The following CNTN5 variants were observed in gnomAD, a reference collection of about 807,000 sequenced individuals.
The protein encoded by CNTN5 is contactin-5.
A neutral mutation model predicts 129.1 loss-of-function variants in CNTN5; 77 were observed. The observed-to-expected ratio is 0.60, with a 90% confidence interval of 0.50 to 0.72. The LOEUF is 0.72. CNTN5 is among the 30% of genes least tolerant of loss of function. CNTN5 has a pLI of 0.00. For missense variants in CNTN5, 1,478 were observed against 1,328.8 expected (o/e 1.11, Z -1.75); for synonymous variants, 509 against 465.6 (o/e 1.09, Z -1.20).
intron 13 of CNTN5, among the ~76,000 whole-genome samples, chr11:100,109,745 A>G (rs1945581928): frequency 6.6e-6 from 1 of 152,192 alleles, no homozygotes; most frequent in African/African-American, 2.4e-5. Flanking sequence ...TAAGGGCGCA[A>G]CCTAACAATG....
At chr11:100,042,669 A>G (rs1284956027) in intron 9 of CNTN5, among the ~76,000 whole-genome samples, 1 of 152,236 alleles carries the variant, frequency 6.6e-6, no homozygotes, top group African/African-American at 2.4e-5. Context: ...GCCAAAGTTC[A>G]TCCAACACTT....
intron 3 of CNTN5, among the ~76,000 whole-genome samples, chr11:99,584,947 A>G (rs1384302073): frequency 3.4e-5 from 5 of 146,256 alleles, no homozygotes; most frequent in Non-Finnish European, 7.6e-5. Flanking sequence ...TCTGTTGCCA[A>G]TGGCAACATT....
intron 2 of CNTN5, among the ~76,000 whole-genome samples, chr11:99,425,189 T>C (rs1943065559): frequency 6.6e-6 from 1 of 152,140 alleles, no homozygotes; most frequent in Non-Finnish European, 1.5e-5. Flanking sequence ...GGTCCATGGG[T>C]GGCCATAGGC....
intron 2 of CNTN5, among the ~76,000 whole-genome samples, chr11:99,523,447 T>C (rs1042006680): frequency 1.3e-5 from 2 of 151,872 alleles, no homozygotes; most frequent in African/African-American, 4.8e-5. Flanking sequence ...ACACAAAAAT[T>C]AGCCAGGTGT....
intron 3 of CNTN5, among the ~76,000 whole-genome samples, chr11:99,629,695 T>C (rs1951268582): frequency 6.6e-6 from 1 of 151,936 alleles, no homozygotes; most frequent in Non-Finnish European, 1.5e-5. Context: ...GATGTTTATG[T>C]AAATATTCTG....
chr11:99,676,051 G>A (rs80052283), intron 3 of CNTN5, among the ~76,000 whole-genome samples: 6,567 of 152,222 alleles, frequency 0.043, 475 homozygotes, highest in African/African-American at 0.15. Flanking sequence ...GCCTTCCAGC[G>A]ATGTTGTAAT....
intron 3 of CNTN5, among the ~76,000 whole-genome samples, chr11:99,570,016 A>G (rs958395540): frequency 3.9e-5 from 6 of 152,126 alleles, no homozygotes; most frequent in African/African-American, 1.4e-4. Context: ...AAAACAAAGA[A>G]GGTAAGATAT....
rs1367831579 is a variant in CNTN5, at chr11:99,033,700, C to T, written c.-210+12430C>T. Among the ~76,000 whole-genome samples the T allele has an allele frequency of 9.9e-5, 15 of 151,834 alleles. No individual in the cohort carries two copies. The East Asian group carries it at 1.9e-3, about 20-fold the overall frequency. The stretch of plus-strand genomic sequence containing the variant: ...CAATGGGGTTTTCTAGATATACAAT[C>T]ATGTCATCTGCAAACAGGGACAATT... On this transcript the variant is annotated intron_variant, in intron 1 of 24. Transcript: ENST00000524871.
intron 7 of CNTN5, among the ~76,000 whole-genome samples, chr11:99,951,509 A>T (rs1387051444): frequency 1.3e-5 from 2 of 152,236 alleles, no homozygotes; most frequent in African/African-American, 4.8e-5. Flanking sequence ...CAGAATATTA[A>T]TAAGCATGCT....
At position 99,804,551 on chromosome 11, in the gene CNTN5, A is replaced by G. The variant is rs1020838326; in HGVS notation, c.56-14993A>G. 4.6e-5 allele frequency among the ~76,000 whole-genome samples: 7 copies of G among 151,330 alleles called. No homozygotes were observed. The South Asian group carries it at 1.2e-3, about 27-fold the overall frequency. ...TGAGATAGAAAAAAAAAAACTCAGT[A>G]AAGTATGATATTACATTTAATTTTA... On this transcript the variant is annotated intron_variant, in intron 3 of 24. Transcript: ENST00000524871.
intron 6 of CNTN5, among the ~76,000 whole-genome samples, chr11:99,879,104 A>AT (rs1365717186): frequency 1.3e-5 from 2 of 151,618 alleles, no homozygotes; most frequent in African/African-American, 4.8e-5. Context: ...CGCCCAGTTA[A>AT]TTTTTGTATT....
intron 8 of CNTN5, among the ~76,000 whole-genome samples, chr11:100,000,235 C>T (rs1591549218): frequency 6.6e-6 from 1 of 152,118 alleles, no homozygotes; most frequent in Non-Finnish European, 1.5e-5. Context: ...GTCCTTTCCA[C>T]CTATGAGCCT....
chr11:100,256,803 C>G (rs576335982), intron 17 of CNTN5, among the ~76,000 whole-genome samples: 1 of 152,184 alleles, frequency 6.6e-6, no homozygotes, highest in Admixed American at 6.5e-5. Context: ...TCTTCACAAC[C>G]CACAGACCAG....
intron 6 of CNTN5, among the ~76,000 whole-genome samples, chr11:99,863,903 G>A (rs1391651559): frequency 1.3e-5 from 2 of 152,122 alleles, no homozygotes; most frequent in African/African-American, 4.8e-5. Context: ...ACAGTAATAA[G>A]TCAAGGGGGT....
intron 3 of CNTN5, among the ~76,000 whole-genome samples, chr11:99,689,899 A>G (rs1309262685): frequency 6.6e-6 from 1 of 152,084 alleles, no homozygotes; most frequent in Non-Finnish European, 1.5e-5. Context: ...TGTGTTTGAT[A>G]GTTTATTTTG....
intron 4 of CNTN5, among the ~76,000 whole-genome samples, chr11:99,820,987 G>A (rs1946783630): frequency 1.3e-5 from 2 of 152,218 alleles, no homozygotes; most frequent in East Asian, 1.9e-4. Flanking sequence ...CGTAGTGTTG[G>A]CATCTAAGTT....
At chr11:99,121,507 G>A (rs1368373782) in intron 1 of CNTN5, among the ~76,000 whole-genome samples, 1 of 152,092 alleles carries the variant, frequency 6.6e-6, no homozygotes, top group South Asian at 2.1e-4. Flanking sequence ...TTCTGGCCTG[G>A]GCCAAATGTA....
intron 3 of CNTN5, among the ~76,000 whole-genome samples, chr11:99,669,472 G>A (rs769978041): frequency 1.3e-4 from 3 of 23,212 alleles, no homozygotes; most frequent in Admixed American, 6.3e-4. Flanking sequence ...GTGTGTGTGT[G>A]TATATGTGTA....
At chr11:99,798,325 A>G (rs1946012185) in intron 3 of CNTN5, among the ~76,000 whole-genome samples, 1 of 152,218 alleles carries the variant, frequency 6.6e-6, no homozygotes, top group Non-Finnish European at 1.5e-5. Context: ...ATTGCATTTA[A>G]GGACATAGTG....
Sources: gnomAD v4.1 joint callset for allele counts (sites outside exome capture counted in the v4.1 genomes callset) on GRCh38, gnomAD v4.1.1 for gene constraint, MANE v1.5 for transcripts, NCBI Gene and HGNC (gene_info 2026-07-23, HGNC 2026-07-21) for gene names.